Variants in COL14A1 observed in about 807,000 individuals in gnomAD.
The protein encoded by COL14A1 is collagen type XIV alpha 1 chain.
A neutral mutation model predicts 230.3 loss-of-function variants in COL14A1; 136 were observed. The ratio of observed to expected loss-of-function variants is 0.59; its 90% CI spans 0.51 to 0.68. COL14A1 has a LOEUF of 0.68. COL14A1 is among the 30% of genes least tolerant of loss of function. The pLI is 0.00. For synonymous variants in COL14A1, 792 were observed against 784.1 expected (o/e 1.01, Z -0.17); for missense variants, 1,976 against 2,215.8 (o/e 0.89, Z 2.17).
At chr8:120,325,475 CTGTTTGTT>C (rs34330810) in intron 40 of COL14A1, among the ~76,000 whole-genome samples, 128 of 150,728 alleles carry the variant, frequency 8.5e-4, no homozygotes, top group South Asian at 3.0e-3. Flanking sequence ...AAGTGTTCTG[CTGTTTGTT>C]TGTTTGTTTG....
chr8:120,307,680 A>T (rs988734586), intron 36 of COL14A1, among the ~76,000 whole-genome samples: 3 of 152,232 alleles, frequency 2.0e-5, no homozygotes, highest in Non-Finnish European at 4.4e-5. Context: ...TAATCATAAT[A>T]GTTTTCAGGG....
Position 120,283,741 on chromosome 8 carries a change from T to G in COL14A1, c.3930T>G (p.Asn1310Lys), listed in dbSNP as rs762994454. 6.2e-7 allele frequency: 1 copy of G among 1,612,884 alleles called. No individual in the cohort carries two copies. The highest frequency in any genetic ancestry group is 1.1e-5 in the South Asian group (1 of 90,674). Residue 1310 changes from asparagine (N) to lysine (K), a missense_variant, in exon 32 of 48, where the codon AAT (asparagine) becomes AAG (lysine). Asn to Lys is a moderately conservative substitution (Grantham distance 94). This residue lies in a region of COL14A1 where 1,791 missense variants were observed against 2,019.5 expected (regional missense o/e 0.89). Transcript: ENST00000297848. ...QEPFALWEIL[N>K]KNSDPLVGVI... ...CATTTGCTCTTTGGGAGATTTTAAA[T>G]AAAAATTCTGACCCATTGGTTGGGG...
At chr8:120,129,818 C>G (rs1444319839) in intron 1 of COL14A1, among the ~76,000 whole-genome samples, 2 of 152,230 alleles carry the variant, frequency 1.3e-5, no homozygotes, top group Admixed American at 1.3e-4. Context: ...GCTGTACACA[C>G]ATTAGCCCTG....
chr8:120,309,951 A>T, intron 36 of COL14A1, 58 bp from the exon 37 acceptor site: 2 of 1,535,908 alleles, frequency 1.3e-6, no homozygotes. Context: ...AGGAAAATGA[A>T]TGAAATACAC....
At chr8:120,302,013 G>T (rs1586845228) in intron 36 of COL14A1, among the ~76,000 whole-genome samples, 1 of 152,102 alleles carries the variant, frequency 6.6e-6, no homozygotes, top group African/African-American at 2.4e-5. Flanking sequence ...CTTTTGAAAA[G>T]TGTCTGTTTA....
rs75122888 is a variant in COL14A1, at chr8:120,326,270, G to A, written c.4660-5871G>A. Among the ~76,000 whole-genome samples, 378 of 152,240 alleles carry A rather than the reference G, an allele frequency of 2.5e-3. 3 individuals are homozygous for A. The highest frequency in any genetic ancestry group is 8.7e-3 in the African/African-American group (362 of 41,540). On this transcript the variant is annotated intron_variant, in intron 40 of 47. Transcript: ENST00000297848. Reference sequence around the variant, plus strand: ...AAATGTCTCTGTGTCCCCAAGCCTGGGTTAGGTGCTCTTCCTAGATGTACC... The same window carrying A: ...AAATGTCTCTGTGTCCCCAAGCCTGAGTTAGGTGCTCTTCCTAGATGTACC...
rs181628021 is a variant in COL14A1 at position 120,238,780 on chromosome 8, G to A, written c.2350-5099G>A. ...TCCTGGTCTGTGGGTTGCAAAGACC[G>A]TGGGAAAAGCATAGTATCTGGGCTG... is the stretch of plus-strand genomic sequence containing the variant. On this transcript the variant is annotated intron_variant, in intron 19 of 47. Transcript: ENST00000297848. Among the ~76,000 whole-genome samples, 721 of 152,284 alleles carry A rather than the reference G, an allele frequency of 4.7e-3. 7 individuals are homozygous for A. Among genetic ancestry groups the A allele is most frequent in the Non-Finnish European group, 6.4e-3 (435 of 68,018 alleles).
chr8:120,238,919 A>G (rs969279730), intron 19 of COL14A1, among the ~76,000 whole-genome samples: 13 of 151,908 alleles, frequency 8.6e-5, no homozygotes, highest in African/African-American at 3.1e-4. Flanking sequence ...GCTTATGCTC[A>G]CCCTCCATGG....
At position 120,372,639 on chromosome 8, in the gene COL14A1, G is replaced by A. The variant is rs1246272865; in HGVS notation, c.*1408G>A. 6.6e-6 allele frequency among the ~76,000 whole-genome samples: 1 copy of A among 152,130 alleles called. No individual in the cohort carries two copies. The highest frequency in any genetic ancestry group is 1.5e-5 in the Non-Finnish European group (1 of 68,026). Reference sequence around the variant, plus strand: ...CTGGATTCTTTCTGGATCAGGAAAAGGCTAACACGAAGGATGGTGTCTGTC... The same window carrying A: ...CTGGATTCTTTCTGGATCAGGAAAAAGCTAACACGAAGGATGGTGTCTGTC... On this transcript the variant is annotated 3_prime_UTR_variant, in exon 48 of 48. Coordinates refer to ENST00000297848, the MANE Select transcript of COL14A1 (RefSeq NM_021110.4).
At chr8:120,255,578 C>A (rs1819119476) in intron 23 of COL14A1, among the ~76,000 whole-genome samples, 1 of 152,108 alleles carries the variant, frequency 6.6e-6, no homozygotes, top group Non-Finnish European at 1.5e-5. Context: ...TGAGTATAGC[C>A]ATAGTGCTGA....
At chr8:120,174,433 A>G (rs1054389880) in intron 5 of COL14A1, among the ~76,000 whole-genome samples, 1 of 152,182 alleles carries the variant, frequency 6.6e-6, no homozygotes, top group African/African-American at 2.4e-5. Flanking sequence ...TTTCCTTTCC[A>G]AAACCTAGGA....
intron 24 of COL14A1, 87 bp from the exon 25 acceptor site, chr8:120,266,739 TA>T: frequency 1.9e-6 from 2 of 1,043,410 alleles, no homozygotes; most frequent in Non-Finnish European, 2.9e-6. Context: ...AATCATTGAC[TA>T]CCCTGAATAT....
At chr8:120,354,411 A>T (rs1209759130) in intron 45 of COL14A1, among the ~76,000 whole-genome samples, 3 of 144,676 alleles carry the variant, frequency 2.1e-5, no homozygotes, top group African/African-American at 7.9e-5. Context: ...AAAAAAAAAG[A>T]AAAACACTAT....
At chr8:120,243,430 G>A (rs1437539506) in intron 19 of COL14A1, among the ~76,000 whole-genome samples, 1 of 152,216 alleles carries the variant, frequency 6.6e-6, no homozygotes, top group Non-Finnish European at 1.5e-5. Flanking sequence ...ACTGAAAGAA[G>A]AAAATGCTGG....
Position 120,361,107 on chromosome 8 carries a change from C to T in COL14A1, c.5078-6064C>T, listed in dbSNP as rs188132562. 3.2e-3 allele frequency among the ~76,000 whole-genome samples: 482 copies of T among 152,192 alleles called. 5 individuals are homozygous for T. Among genetic ancestry groups the T allele is most frequent in the Middle Eastern group, 0.01 (3 of 294 alleles). On this transcript the variant is annotated intron_variant, in intron 45 of 47. Transcript: ENST00000297848. ...TCTACTCTCCTACAGGTAATAGTGG[C>T]TCCATGTTCTTGCCAATTTGTAAGT...
chr8:120,160,854 T>C (rs1209095528), intron 3 of COL14A1, among the ~76,000 whole-genome samples: 1 of 152,196 alleles, frequency 6.6e-6, no homozygotes, highest in East Asian at 1.9e-4. Flanking sequence ...TCAAATAAAT[T>C]TGGGAAATGC....
Position 120,196,976 on chromosome 8 carries a change from C to T in COL14A1, c.592+30C>T, listed in dbSNP as rs748565100. The T allele has an allele frequency of 7.5e-6, 12 of 1,604,782 alleles. No individual in the cohort carries two copies. The Admixed American group carries it at 8.5e-5, about 11-fold the overall frequency. ...AATTTCTATTATTAGCAGTAGCAGT[C>T]AGTTGTCAGTGCAAAACTGCTGGGA... On this transcript the variant is annotated intron_variant, in intron 6 of 47. Coordinates refer to ENST00000297848, the MANE Select transcript of COL14A1 (RefSeq NM_021110.4).
At chr8:120,256,029 A>G (rs1016962074) in intron 23 of COL14A1, among the ~76,000 whole-genome samples, 1 of 152,164 alleles carries the variant, frequency 6.6e-6, no homozygotes, top group Non-Finnish European at 1.5e-5. Flanking sequence ...TCTTTTCCCA[A>G]CATCAGCATG....
At chr8:120,163,678 G>A (rs894367019) in intron 4 of COL14A1, among the ~76,000 whole-genome samples, 18 of 152,220 alleles carry the variant, frequency 1.2e-4, no homozygotes, top group African/African-American at 3.1e-4. Flanking sequence ...CAGGAGAATC[G>A]CTTGAACCCA....
Sources: allele counts gnomAD v4.1 joint callset (sites outside exome capture counted in the v4.1 genomes callset), GRCh38; gene constraint gnomAD v4.1.1; regional missense constraint gnomAD v4.1.1; transcripts MANE v1.5; gene names NCBI Gene and HGNC (gene_info 2026-07-23, HGNC 2026-07-21).